The following NFRKB variants were observed in gnomAD, a reference collection of about 807,000 sequenced individuals.
NFRKB encodes nuclear factor related to kappaB binding protein.
In NFRKB, 62 loss-of-function variants were observed where a neutral mutation model predicts 135.7. That is an observed-to-expected ratio of 0.46 (90% CI 0.37 to 0.56). NFRKB has a LOEUF of 0.56. NFRKB is among the 20% of genes least tolerant of loss of function. The pLI, the probability that NFRKB is intolerant of heterozygous loss-of-function variation, is 0.00. For synonymous variants in NFRKB, 678 were observed against 635.6 expected (o/e 1.07, Z -1.00); for missense variants, 1,545 against 1,662.0 (o/e 0.93, Z 1.22).
At chr11:129,866,706 G>A (rs1948209233) in intron 24 of NFRKB, among the ~76,000 whole-genome samples, 1 of 152,168 alleles carries the variant, frequency 6.6e-6, no homozygotes, top group Non-Finnish European at 1.5e-5. Flanking sequence ...TGCATTACCT[G>A]TTTTCAGATG....
chr11:129,876,982 G>A, intron 16 of NFRKB, 87 bp from the exon 17 acceptor site: 1 of 1,264,718 alleles, frequency 7.9e-7, no homozygotes, highest in East Asian at 2.4e-5. Context: ...AGATCCACAT[G>A]GAACAATTAA....
chr11:129,865,674 A>G (rs560415334), intron 25 of NFRKB, among the ~76,000 whole-genome samples: 7 of 152,212 alleles, frequency 4.6e-5, no homozygotes, highest in Non-Finnish European at 8.8e-5. Flanking sequence ...GGAGAACAGC[A>G]GGGATTTTCA....
Position 129,882,644 on chromosome 11 carries a change from A to T in NFRKB, c.902-13T>A. Reference sequence around the variant, plus strand: ...AAGTCATATAAGGCTAGAAAGGCAAAGTAACACCAGTCACAGAAATGTATC... The same window carrying T: ...AAGTCATATAAGGCTAGAAAGGCAATGTAACACCAGTCACAGAAATGTATC... On this transcript the variant is annotated splice_polypyrimidine_tract_variant and intron_variant, in intron 9 of 26. Coordinates refer to ENST00000682444, the MANE Select transcript of NFRKB (RefSeq NM_001143835.2). The T allele has an allele frequency of 6.2e-7, 1 of 1,611,242 alleles. No homozygotes were observed. Among genetic ancestry groups the T allele is most frequent in the South Asian group, 1.1e-5 (1 of 90,804 alleles).
chr11:129,879,534 G>A (rs1219075490), intron 13 of NFRKB, among the ~76,000 whole-genome samples: 2 of 152,164 alleles, frequency 1.3e-5, no homozygotes, highest in East Asian at 3.8e-4. Context: ...CAAATCTTTA[G>A]TCTTTATCTT....
At position 129,876,820 on chromosome 11, in the gene NFRKB, C is replaced by T. The variant is rs1261206405; in HGVS notation, c.1648G>A (p.Val550Met). The T allele has an allele frequency of 6.2e-7, 1 of 1,614,062 alleles. No homozygotes were observed. The highest frequency in any genetic ancestry group is 8.5e-7 in the Non-Finnish European group (1 of 1,180,028). ...MHGFESVVGP[V>M]KGVFDKETSL... ...GTCTCCTTGTCAAACACGCCCTTCA[C>T]TGGCCCCACCACAGACTCAAAGCCG... Residue 550 changes from valine (V) to methionine (M), a missense_variant, in exon 17 of 27, where the codon GTG becomes ATG. Val to Met is a conservative substitution (Grantham distance 21). Coordinates refer to ENST00000682444, the MANE Select transcript of NFRKB (RefSeq NM_001143835.2).
At chr11:129,864,894 G>C (rs199870213) in intron 26 of NFRKB, 44 bp from the exon 27 acceptor site, 5 of 1,613,812 alleles carry the variant, frequency 3.1e-6, no homozygotes, top group African/African-American at 2.7e-5. Flanking sequence ...TTGCAAGCGG[G>C]CTCACCAGTT....
chr11:129,871,420 G>A (rs889149246), intron 23 of NFRKB, among the ~76,000 whole-genome samples: 2 of 151,912 alleles, frequency 1.3e-5, no homozygotes, highest in African/African-American at 2.4e-5. Context: ...CTGATCCACC[G>A]AGTCTCATCT....
intron 24 of NFRKB, among the ~76,000 whole-genome samples, chr11:129,867,097 G>A (rs1032018173): frequency 2.4e-4 from 36 of 152,022 alleles, no homozygotes; most frequent in Non-Finnish European, 3.5e-4. Flanking sequence ...ATCCCTTCAG[G>A]AACTACCAAA....
Position 129,892,800 on chromosome 11 carries a change from C to A in NFRKB, c.50G>T (p.Cys17Phe). ...GATGCGCGTGCCATGGCCATCTCCACACGGACCAAGTTCCAGAGGATCTGT... is the reference window on the plus strand; with the variant it reads ...GATGCGCGTGCCATGGCCATCTCCAAACGGACCAAGTTCCAGAGGATCTGT... ...MLTDPLELGP[C>F]GDGHGTRIME... Residue 17 changes from cysteine to phenylalanine, a missense_variant, in exon 3 of 27, where the codon TGT (cysteine) becomes TTT (phenylalanine). This residue lies in a region of NFRKB where 678 missense variants were observed against 646.7 expected (regional missense o/e 1.05). Transcript: ENST00000682444. The A allele has an allele frequency of 1.9e-6, 3 of 1,614,206 alleles. No homozygotes were observed. Among genetic ancestry groups the A allele is most frequent in the Non-Finnish European group, 2.5e-6 (3 of 1,180,042 alleles).
At position 129,866,106 on chromosome 11, in the gene NFRKB, C is replaced by A. The variant is rs1178284173; in HGVS notation, c.3532-123G>T. Reference sequence around the variant, plus strand: ...AGATGCTGTCAGTCCCCAGTACCCACCAGGGTCTCAAGGCTCCTGAGGTTT... The same window carrying A: ...AGATGCTGTCAGTCCCCAGTACCCAACAGGGTCTCAAGGCTCCTGAGGTTT... On this transcript the variant is annotated intron_variant, in intron 24 of 26. Coordinates refer to ENST00000682444, the MANE Select transcript of NFRKB (RefSeq NM_001143835.2). 6.6e-6 allele frequency: 5 copies of A among 753,796 alleles called. No individual in the cohort carries two copies. The African/African-American group carries it at 7.1e-5, about 11-fold the overall frequency. 46.7% of individuals were successfully genotyped at this position (753,796 alleles called of 1,614,324 possible).
intron 8 of NFRKB, 98 bp from the exon 9 acceptor site, chr11:129,883,304 C>A: frequency 1.2e-6 from 1 of 832,216 alleles, no homozygotes; most frequent in South Asian, 1.5e-5. Flanking sequence ...GTTAGGTACA[C>A]TTGGGGAAAT....
intron 13 of NFRKB, among the ~76,000 whole-genome samples, chr11:129,880,820 G>T (rs1036943852): frequency 6.6e-6 from 1 of 152,162 alleles, no homozygotes; most frequent in Non-Finnish European, 1.5e-5. Flanking sequence ...AATAACGAAT[G>T]AATGAGTCTA....
rs145832481 is a variant in NFRKB at position 129,880,719 on chromosome 11, G to C, written c.1384+724C>G. Among the ~76,000 whole-genome samples, 45 of 152,220 alleles carry C rather than the reference G, an allele frequency of 3.0e-4. No individual in the cohort carries two copies. In the East Asian group the frequency reaches 7.0e-3, roughly 24 times the overall value. ...GTATTTCTTCCCCAAACAGACCTTA[G>C]GCCCTACGAGAGGAGCACACTGTCT... On this transcript the variant is annotated intron_variant, in intron 13 of 26. Transcript: ENST00000682444.
Position 129,872,880 on chromosome 11 carries a change from C to A in NFRKB, c.2763+4G>T. 6.3e-7 allele frequency: 1 copy of A among 1,591,220 alleles called. No individual in the cohort carries two copies. The highest frequency in any genetic ancestry group is 8.6e-7 in the Non-Finnish European group (1 of 1,163,510). On this transcript the variant is annotated splice_donor_region_variant and intron_variant, in intron 23 of 26. Transcript: ENST00000682444. ...GAGATCCACGTGGAAAGAGCCCCAC[C>A]TACCTGCTTGATGATGTTCTGTCCT...
chr11:129,885,613 G>C lies in NFRKB; in HGVS notation c.466-4C>G, dbSNP rs1949238715. ...GCCGGGCCATCTCCAGCAGATCCTA[G>C]GTAGAGATCAGGTGGGGGTACAAGT... On this transcript the variant is annotated splice_polypyrimidine_tract_variant and splice_region_variant and intron_variant, in intron 5 of 26. Coordinates refer to ENST00000682444, the MANE Select transcript of NFRKB (RefSeq NM_001143835.2). The C allele has an allele frequency of 6.2e-7, 1 of 1,604,672 alleles. No homozygotes were observed. Among genetic ancestry groups the C allele is most frequent in the African/African-American group, 1.3e-5 (1 of 74,792 alleles).
intron 3 of NFRKB, among the ~76,000 whole-genome samples, chr11:129,890,960 G>T (rs1949533590): frequency 6.6e-6 from 1 of 152,034 alleles, no homozygotes; most frequent in Non-Finnish European, 1.5e-5. Context: ...ATTAGTAAGT[G>T]GTCTTATTGA....
Position 129,892,852 on chromosome 11 carries a change from T to C in NFRKB, c.-3A>G. ...AGCATATGGTCTAAGGAATCCATTG[T>C]TTCTTCTCCACAGGTACTCTGGACA... On this transcript the variant is annotated 5_prime_UTR_variant, in exon 3 of 27. Coordinates refer to ENST00000682444, the MANE Select transcript of NFRKB (RefSeq NM_001143835.2). 4 of 1,614,186 alleles carry C rather than the reference T, an allele frequency of 2.5e-6. 1 individual carries two copies. The highest frequency in any genetic ancestry group is 2.2e-5 in the South Asian group (2 of 91,084).
In NFRKB at chr11:129,869,677, C is replaced by A. The variant is rs144952739; in HGVS notation, c.3348G>T (p.Ser1116=). ...TVATHAKQGA[S]VASGSGTVHT... ...GGACAGTTCCAGACCCACTGGCCAC[C>A]GAGGCCCCTTGCTTGGCGTGGGTTG... The change falls in exon 24 of 27, where the codon TCG becomes TCT. Residue 1116 remains serine (S), a synonymous_variant. Coordinates refer to ENST00000682444, the MANE Select transcript of NFRKB (RefSeq NM_001143835.2). 1.9e-6 allele frequency: 3 copies of A among 1,614,236 alleles called. No homozygotes were observed. In the Admixed American group the frequency reaches 5.0e-5, roughly 27 times the overall value.
chr11:129,877,049 T>C (rs1483807967), intron 16 of NFRKB, among the ~76,000 whole-genome samples, 154 bp from the exon 17 acceptor site: 1 of 152,076 alleles, frequency 6.6e-6, no homozygotes, highest in Admixed American at 6.5e-5. Context: ...CCAACCACAG[T>C]GGGAAAAGGA....
Sources: allele counts gnomAD v4.1 joint callset (sites outside exome capture counted in the v4.1 genomes callset), GRCh38; gene constraint gnomAD v4.1.1; regional missense constraint gnomAD v4.1.1; transcripts MANE v1.5; gene names NCBI Gene and HGNC (gene_info 2026-07-23, HGNC 2026-07-21).